Variants in CERKL observed in about 807,000 individuals in gnomAD.
CERKL encodes CERK like autophagy regulator, also known as ceramide kinase-like protein.
In CERKL, 61 loss-of-function variants were observed where a neutral mutation model predicts 63.4. The ratio of observed to expected loss-of-function variants is 0.96; its 90% confidence interval spans 0.78 to 1.19. The LOEUF (loss-of-function observed/expected upper bound fraction) is 1.19, where lower values mean the gene tolerates loss of function less well. CERKL is among the 50% of genes most tolerant of loss of function. The pLI is 0.00. For synonymous variants in CERKL, 250 were observed against 230.5 expected (o/e 1.08, Z -0.77); for missense variants, 675 against 655.5 (o/e 1.03, Z -0.33).
chr2:181,546,328 T>A (rs1035089591), intron 10 of CERKL, among the ~76,000 whole-genome samples: 1 of 152,200 alleles, frequency 6.6e-6, no homozygotes, highest in African/African-American at 2.4e-5. Flanking sequence ...CAGGGTTAGA[T>A]AAACATTGTC....
intron 3 of CERKL, among the ~76,000 whole-genome samples, chr2:181,571,560 T>G (rs1005158584): frequency 1.3e-5 from 2 of 152,062 alleles, no homozygotes; most frequent in Non-Finnish European, 1.5e-5. Context: ...CCAAACCAGA[T>G]TGCAACAGTA....
intron 3 of CERKL, 108 bp downstream of exon 3, chr2:181,573,645 T>C: frequency 2.2e-6 from 2 of 926,456 alleles, no homozygotes; most frequent in Non-Finnish European, 3.4e-6. Flanking sequence ...GTAAAAATGC[T>C]ATAGATATTA....
chr2:181,579,990 T>G (rs1361678124), intron 2 of CERKL, among the ~76,000 whole-genome samples: 1 of 151,930 alleles, frequency 6.6e-6, no homozygotes, highest in Non-Finnish European at 1.5e-5. Flanking sequence ...TATAATGACT[T>G]AATAGTCAAT....
intron 1 of CERKL, among the ~76,000 whole-genome samples, chr2:181,613,995 GT>G (rs750963924): frequency 8.5e-5 from 13 of 152,180 alleles, no homozygotes; most frequent in South Asian, 2.1e-4. Context: ...AGCTTAAAAT[GT>G]TTTTATTTAA....
At chr2:181,647,821 T>G (rs1306397241) in intron 1 of CERKL, among the ~76,000 whole-genome samples, 1 of 151,922 alleles carries the variant, frequency 6.6e-6, no homozygotes, top group Non-Finnish European at 1.5e-5. Flanking sequence ...CTTAAAAAAA[T>G]TCAGCAGGCT....
At chr2:181,621,798 G>C (rs1009002238) in intron 1 of CERKL, among the ~76,000 whole-genome samples, 1 of 152,128 alleles carries the variant, frequency 6.6e-6, no homozygotes, top group African/African-American at 2.4e-5. Context: ...ATTACAGCAA[G>C]CCATCTTCTC....
chr2:181,648,426 C>A (rs1014966420), intron 1 of CERKL, among the ~76,000 whole-genome samples: 4 of 152,038 alleles, frequency 2.6e-5, no homozygotes, highest in Admixed American at 6.5e-5. Context: ...CGAGTCTCGG[C>A]CAAGGACAAA....
At chr2:181,637,512 T>C (rs1488474990) in intron 1 of CERKL, among the ~76,000 whole-genome samples, 1 of 152,070 alleles carries the variant, frequency 6.6e-6, no homozygotes, top group African/African-American at 2.4e-5. Flanking sequence ...AAAACACATA[T>C]ATTGTACATG....
chr2:181,640,580 A>G (rs1486732309), intron 1 of CERKL, among the ~76,000 whole-genome samples: 2 of 152,190 alleles, frequency 1.3e-5, no homozygotes, highest in Non-Finnish European at 2.9e-5. Context: ...ACTGCAATGA[A>G]TTTATCTACT....
chr2:181,545,217 G>A (rs1457099950), intron 10 of CERKL, among the ~76,000 whole-genome samples: 5 of 152,184 alleles, frequency 3.3e-5, no homozygotes, highest in African/African-American at 1.2e-4. Context: ...TCTAAAGTGT[G>A]ATTTAAATAT....
chr2:181,540,122 A>G (rs1262318030), intron 11 of CERKL, among the ~76,000 whole-genome samples: 1 of 152,202 alleles, frequency 6.6e-6, no homozygotes, highest in Non-Finnish European at 1.5e-5. Flanking sequence ...ACATATGTAG[A>G]TACCAAGGTC....
In CERKL at chr2:181,656,716, G is replaced by A. The variant is rs1023808568; in HGVS notation, c.238+53C>T. 4.9e-5 allele frequency: 71 copies of A among 1,457,252 alleles called. No individual in the cohort carries two copies. The African/African-American group carries it at 8.5e-4, about 17-fold the overall frequency. 90.3% of individuals were successfully genotyped at this position (1,457,252 alleles called of 1,614,324 possible). Reference sequence around the variant, plus strand: ...CTCGTGGGTGTAGGCCTTGGGCCGGGGAGAGGGAGGAAGCGCGGAGGGAGG... The same window carrying A: ...CTCGTGGGTGTAGGCCTTGGGCCGGAGAGAGGGAGGAAGCGCGGAGGGAGG... On this transcript the variant is annotated intron_variant, in intron 1 of 12. Coordinates refer to ENST00000410087, the MANE Select transcript of CERKL (RefSeq NM_201548.5).
rs1432481971 is a variant in CERKL at position 181,538,046 on chromosome 2, A to C, written c.*138T>G. ...CTGAGGTGGAACAGTTCATCCTGAA[A>C]CCATTCCCCCATCCACGGAAAAATT... On this transcript the variant is annotated 3_prime_UTR_variant, in exon 13 of 13. Transcript: ENST00000410087. 6 of 703,282 alleles carry C rather than the reference A, an allele frequency of 8.5e-6. No individual in the cohort carries two copies. In the African/African-American group the frequency reaches 1.1e-4, roughly 12 times the overall value. 43.6% of individuals were successfully genotyped at this position (703,282 alleles called of 1,614,324 possible).
At position 181,558,627 on chromosome 2, in the gene CERKL, CA is replaced by C. The variant is rs751149105; in HGVS notation, c.758del (p.Met253ArgfsTer7). On this transcript the variant is annotated frameshift_variant, in exon 5 of 13. Coordinates refer to ENST00000410087, the MANE Select transcript of CERKL (RefSeq NM_201548.5). LOFTEE classifies it high-confidence loss of function. This position sits in a 1 kb window ranked among gnomAD's most constrained non-coding sequence, Gnocchi z 4.2. ...LLLRAQKNAG[M>X]ETDRILTPVR... ...CAGGAGTCAGGATTCGGTCTGTTTC[CA>C]TCCCAGCATTCTTCTGAGCTCTCAG... 2 of 1,613,734 alleles carry C rather than the reference CA, an allele frequency of 1.2e-6. No homozygotes were observed. Among genetic ancestry groups the C allele is most frequent in the East Asian group, 4.5e-5 (2 of 44,816 alleles).
intron 1 of CERKL, among the ~76,000 whole-genome samples, chr2:181,615,941 C>T (rs1290767691): frequency 1.3e-5 from 2 of 152,012 alleles, no homozygotes; most frequent in Admixed American, 6.6e-5. Context: ...ACGAAGTAGG[C>T]TTCTTATCTA....
At chr2:181,615,854 T>C (rs1394420319) in intron 1 of CERKL, among the ~76,000 whole-genome samples, 2 of 152,154 alleles carry the variant, frequency 1.3e-5, no homozygotes, top group Non-Finnish European at 2.9e-5. Flanking sequence ...TATAATACTA[T>C]CCTCAAGAAT....
chr2:181,557,635 G>A (rs1688269258), intron 5 of CERKL, among the ~76,000 whole-genome samples: 2 of 152,060 alleles, frequency 1.3e-5, no homozygotes, highest in African/African-American at 4.8e-5. Flanking sequence ...ACACGGTGAG[G>A]CAAAATGAAT....
intron 1 of CERKL, among the ~76,000 whole-genome samples, chr2:181,608,499 T>C (rs1685817145): frequency 6.6e-6 from 1 of 152,136 alleles, no homozygotes; most frequent in African/African-American, 2.4e-5. Context: ...TAAACTCTTT[T>C]AACTTTTCAT....
Position 181,558,459 on chromosome 2 carries a change from C to G in CERKL, c.820+107G>C. ...TAGTGGGGATGCCAGAAGTCTGGAT[C>G]TTTCAAAGTCTGTTCATTAATTCTG... is the stretch of plus-strand genomic sequence containing the variant. On this transcript the variant is annotated intron_variant, in intron 5 of 12. Transcript: ENST00000410087. The surrounding 1 kb of genome is among the most constrained non-coding windows in gnomAD (Gnocchi z 4.2). The G allele has an allele frequency of 3.2e-6, 4 of 1,264,350 alleles. No individual in the cohort carries two copies. In the South Asian group the frequency reaches 4.8e-5, roughly 15 times the overall value. 78.3% of individuals were successfully genotyped at this position (1,264,350 alleles called of 1,614,324 possible). A position where few individuals can be genotyped will look rare whatever the true frequency, so the allele number is the denominator to read the frequency against.
Sources: allele counts gnomAD v4.1 joint callset (sites outside exome capture counted in the v4.1 genomes callset), GRCh38; gene constraint gnomAD v4.1.1; non-coding constraint Gnocchi (gnomAD v3.1); transcripts MANE v1.5; gene names NCBI Gene and HGNC (gene_info 2026-07-23, HGNC 2026-07-21).